The following EYS variants were observed in gnomAD, a reference collection of about 807,000 sequenced individuals.
The protein encoded by EYS is EGF-like photoreceptor maintenance factor.
A neutral mutation model predicts 282.1 loss-of-function variants in EYS; 250 were observed. That is an observed-to-expected ratio of 0.89 (90% confidence interval 0.80 to 0.98). EYS has a LOEUF of 0.98. EYS is among the 50% of genes least tolerant of loss of function. EYS has a pLI of 0.00. For synonymous variants in EYS, 1,355 were observed against 1,282.9 expected (o/e 1.06, Z -1.20); for missense variants, 4,016 against 3,709.0 (o/e 1.08, Z -2.15).
At chr6:64,005,231 T>C (rs1053788123) in intron 33 of EYS, among the ~76,000 whole-genome samples, 2 of 152,242 alleles carry the variant, frequency 1.3e-5, no homozygotes, top group African/African-American at 4.8e-5. Flanking sequence ...TTGAACTTTG[T>C]TTTATATGCT....
At chr6:64,751,341 C>T (rs186802491) in intron 22 of EYS, among the ~76,000 whole-genome samples, 3 of 152,288 alleles carry the variant, frequency 2.0e-5, no homozygotes, top group Admixed American at 6.5e-5. Flanking sequence ...CTATACTTCC[C>T]GGTTAGGAGT....
chr6:64,380,860 C>G (rs1289420909), intron 29 of EYS, among the ~76,000 whole-genome samples: 1 of 151,736 alleles, frequency 6.6e-6, no homozygotes, highest in African/African-American at 2.4e-5. Flanking sequence ...ACTAAAAATA[C>G]AAAAAGCAGC....
At chr6:65,491,045 T>A (rs1356297730) in intron 4 of EYS, among the ~76,000 whole-genome samples, 1 of 152,088 alleles carries the variant, frequency 6.6e-6, no homozygotes, top group Non-Finnish European at 1.5e-5. Context: ...CAACATACAT[T>A]GATAGTATTG....
intron 13 of EYS, among the ~76,000 whole-genome samples, chr6:65,038,161 C>T (rs1473642958): frequency 6.6e-6 from 1 of 151,416 alleles, no homozygotes; most frequent in Non-Finnish European, 1.5e-5. Flanking sequence ...AGTGCATAAT[C>T]CTAAACGTAT....
intron 29 of EYS, among the ~76,000 whole-genome samples, chr6:64,323,282 C>T (rs1770286447): frequency 6.6e-6 from 1 of 152,210 alleles, no homozygotes; most frequent in South Asian, 2.1e-4. Flanking sequence ...TGTTACACAT[C>T]CTATGTGATT....
At chr6:65,666,191 A>T (rs1351458406) in intron 1 of EYS, among the ~76,000 whole-genome samples, 1 of 151,874 alleles carries the variant, frequency 6.6e-6, no homozygotes, top group Admixed American at 6.6e-5. Flanking sequence ...AAGAAATAGT[A>T]TGTGTGTACA....
chr6:64,665,852 C>T (rs1399301865), intron 22 of EYS, among the ~76,000 whole-genome samples: 5 of 152,138 alleles, frequency 3.3e-5, no homozygotes, highest in African/African-American at 9.7e-5. Context: ...AGAGAATGCC[C>T]GATTTTCCTA....
intron 12 of EYS, among the ~76,000 whole-genome samples, chr6:65,092,221 T>C (rs916072301): frequency 1.2e-4 from 18 of 152,150 alleles, no homozygotes; most frequent in Non-Finnish European, 1.8e-4. Flanking sequence ...CAGTCAGTCT[T>C]GAATTCATGT....
At chr6:64,832,974 C>G (rs565026054) in intron 19 of EYS, among the ~76,000 whole-genome samples, 1 of 151,862 alleles carries the variant, frequency 6.6e-6, no homozygotes, top group African/African-American at 2.4e-5. Flanking sequence ...CTCAAATATT[C>G]TTATGTGCAT....
At chr6:64,143,847 T>C (rs1217287071) in intron 31 of EYS, among the ~76,000 whole-genome samples, 6 of 152,224 alleles carry the variant, frequency 3.9e-5, no homozygotes, top group African/African-American at 1.4e-4. Flanking sequence ...CTGCCATCCT[T>C]TGGAGAACAT....
intron 15 of EYS, among the ~76,000 whole-genome samples, chr6:64,934,886 G>A (rs1411468387): frequency 6.6e-6 from 1 of 151,636 alleles, no homozygotes; most frequent in Non-Finnish European, 1.5e-5. Flanking sequence ...AATATGTTTT[G>A]TTCATAACTC....
chr6:65,690,004 C>G (rs6923019), intron 1 of EYS, among the ~76,000 whole-genome samples: 120,814 of 149,432 alleles, frequency 0.81, 49,842 homozygotes, highest in Non-Finnish European at 0.83. Flanking sequence ...AGTGAGGGCG[C>G]GGGTAGGTTA....
Position 65,498,093 on chromosome 6 carries a change from C to T in EYS, c.-332-2100G>A, listed in dbSNP as rs937090111. Among the ~76,000 whole-genome samples the T allele has an allele frequency of 1.6e-4, 25 of 151,900 alleles. 1 individual carries two copies. Among genetic ancestry groups the T allele is most frequent in the Non-Finnish European group, 1.6e-4 (11 of 67,874 alleles). Reference sequence around the variant, plus strand: ...ATTACTACATCTCCAAGGCTGTTGGCCTAAAGAAAGAGAAGAAAATCCAGG... The same window carrying T: ...ATTACTACATCTCCAAGGCTGTTGGTCTAAAGAAAGAGAAGAAAATCCAGG... On this transcript the variant is annotated intron_variant, in intron 2 of 42. Coordinates refer to ENST00000503581, the MANE Select transcript of EYS (RefSeq NM_001142800.2).
Position 63,720,861 on chromosome 6 carries a change from TTGA to T in EYS, c.9167_9169del (p.Ile3056del). 1 of 1,551,210 alleles carries T rather than the reference TTGA, an allele frequency of 6.4e-7. No homozygotes were observed. Among genetic ancestry groups the T allele is most frequent in the Non-Finnish European group, 8.7e-7 (1 of 1,146,648 alleles). On this transcript the variant is annotated inframe_deletion, in exon 43 of 43. Coordinates refer to ENST00000503581, the MANE Select transcript of EYS (RefSeq NM_001142800.2). ...AATTAGACTGTTATTTATGTAGGCC[TTGA>T]TAAGAGTCTGATTTTGAATTACAAC...
chr6:64,431,522 G>A (rs1226928872), intron 28 of EYS, among the ~76,000 whole-genome samples: 2 of 152,152 alleles, frequency 1.3e-5, no homozygotes, highest in Non-Finnish European at 2.9e-5. Flanking sequence ...AGGGAAACGA[G>A]CTGTAGAGCG....
At chr6:65,355,771 T>A (rs1582179322) in intron 8 of EYS, among the ~76,000 whole-genome samples, 1 of 151,906 alleles carries the variant, frequency 6.6e-6, no homozygotes, top group African/African-American at 2.4e-5. Context: ...ATTAAAACCA[T>A]AATGAGACAT....
chr6:64,987,959 TTA>T (rs1266350914), intron 14 of EYS, among the ~76,000 whole-genome samples: 2 of 151,588 alleles, frequency 1.3e-5, no homozygotes, highest in African/African-American at 4.8e-5. Context: ...ATTAAATATA[TTA>T]TGTTTAACAT....
chr6:65,371,687 A>C (rs1262009421), intron 8 of EYS, among the ~76,000 whole-genome samples: 1 of 147,276 alleles, frequency 6.8e-6, no homozygotes, highest in African/African-American at 2.6e-5. Flanking sequence ...GTGAGCCTTC[A>C]AATTCCTCTC....
At chr6:65,325,496 T>C (rs1325234284) in intron 11 of EYS, among the ~76,000 whole-genome samples, 1 of 152,052 alleles carries the variant, frequency 6.6e-6, no homozygotes, top group Non-Finnish European at 1.5e-5. Flanking sequence ...TCATAAGTGA[T>C]GGCAGGAGGA....
Sources: gnomAD v4.1 joint callset for allele counts (sites outside exome capture counted in the v4.1 genomes callset) on GRCh38, gnomAD v4.1.1 for gene constraint, MANE v1.5 for transcripts, NCBI Gene and HGNC (gene_info 2026-07-23, HGNC 2026-07-21) for gene names.